The following SSH2 variants were observed in gnomAD, a reference collection of about 807,000 sequenced individuals.
The protein encoded by SSH2 is slingshot protein phosphatase 2, also known as protein phosphatase Slingshot homolog 2.
Under a neutral mutation model 135.2 loss-of-function variants are expected in SSH2, and 37 were observed. That is an observed-to-expected ratio of 0.27 (90% CI 0.21 to 0.36). The LOEUF (loss-of-function observed/expected upper bound fraction) is 0.36, where lower values mean the gene tolerates loss of function less well. Ranked by LOEUF, SSH2 falls within the 10% of genes least tolerant of loss-of-function variation. The probability of loss-of-function intolerance (pLI) is 1.00; values close to 1 mark genes in which losing one functional copy is unlikely to be tolerated. For missense variants in SSH2, 1,408 were observed against 1,765.3 expected (o/e 0.80, Z 3.63); for synonymous variants, 628 against 646.2 (o/e 0.97, Z 0.43).
At chr17:29,705,806 T>G (rs745488588) in intron 3 of SSH2, among the ~76,000 whole-genome samples, 7 of 152,248 alleles carry the variant, frequency 4.6e-5, no homozygotes, top group Non-Finnish European at 1.0e-4. Context: ...CCTATCATTA[T>G]GTAAGTCTCA....
chr17:29,777,152 C>T (rs2041721791), intron 3 of SSH2, among the ~76,000 whole-genome samples: 1 of 150,756 alleles, frequency 6.6e-6, no homozygotes, highest in African/African-American at 2.4e-5. Flanking sequence ...ATGGAGGTTG[C>T]AGTGAGCCAA....
chr17:29,675,306 G>A (rs886152594), intron 8 of SSH2, among the ~76,000 whole-genome samples: 1 of 152,036 alleles, frequency 6.6e-6, no homozygotes, highest in Non-Finnish European at 1.5e-5. Flanking sequence ...TTATCTCCCT[G>A]GGGTCTTTTT....
chr17:29,805,863 C>A (rs369878655), intron 2 of SSH2, among the ~76,000 whole-genome samples: 17 of 143,700 alleles, frequency 1.2e-4, no homozygotes, highest in Admixed American at 2.1e-4. Context: ...ACTCAGCTAT[C>A]AAAAAAAAAA....
intron 2 of SSH2, among the ~76,000 whole-genome samples, chr17:29,846,732 A>C (rs1365843466): frequency 2.6e-5 from 4 of 152,250 alleles, no homozygotes; most frequent in Admixed American, 1.3e-4. Context: ...TGAGGAAGCC[A>C]GCCTAAGTGC....
At chr17:29,911,360 T>C (rs1189153927) in intron 1 of SSH2, among the ~76,000 whole-genome samples, 1 of 152,104 alleles carries the variant, frequency 6.6e-6, no homozygotes, top group African/African-American at 2.4e-5. Flanking sequence ...ATTTAAGAGA[T>C]TTTTTAAGGA....
intron 3 of SSH2, among the ~76,000 whole-genome samples, chr17:29,718,288 G>A (rs151305889): frequency 6.3e-4 from 96 of 151,968 alleles, no homozygotes; most frequent in Admixed American, 5.4e-3. Flanking sequence ...CCACGATTTC[G>A]TCACCACTCC....
chr17:29,760,475 T>C (rs2041256316), intron 3 of SSH2, among the ~76,000 whole-genome samples: 1 of 152,176 alleles, frequency 6.6e-6, no homozygotes, highest in Admixed American at 6.5e-5. Context: ...CACACACTTC[T>C]CAGAAACAGC....
At chr17:29,637,057 T>C (rs761603949) in intron 14 of SSH2, among the ~76,000 whole-genome samples, 7 of 152,234 alleles carry the variant, frequency 4.6e-5, no homozygotes, top group Non-Finnish European at 7.3e-5. Flanking sequence ...GTGTTGATGA[T>C]GGTATGGCTA....
At chr17:29,745,439 C>T (rs2040728732) in intron 3 of SSH2, among the ~76,000 whole-genome samples, 1 of 152,308 alleles carries the variant, frequency 6.6e-6, no homozygotes. Context: ...GGATTACAGG[C>T]GTGAGCCACC....
chr17:29,865,781 A>C (rs2065842676), intron 1 of SSH2, among the ~76,000 whole-genome samples: 1 of 152,202 alleles, frequency 6.6e-6, no homozygotes, highest in South Asian at 2.1e-4. Context: ...CAGAAGATGA[A>C]GAACAATAAA....
chr17:29,827,705 C>T (rs539973174), intron 2 of SSH2, among the ~76,000 whole-genome samples: 2 of 150,480 alleles, frequency 1.3e-5, no homozygotes, highest in Non-Finnish European at 3.0e-5. Context: ...CTCAGTATAG[C>T]TTTTTGAAGC....
At chr17:29,741,595 C>T (rs564968486) in intron 3 of SSH2, among the ~76,000 whole-genome samples, 12 of 149,844 alleles carry the variant, frequency 8.0e-5, no homozygotes, top group Non-Finnish European at 1.3e-4. Context: ...GCAATAGACA[C>T]GAAACAATCC....
intron 3 of SSH2, among the ~76,000 whole-genome samples, chr17:29,742,943 A>AT (rs1208955094): frequency 6.9e-6 from 1 of 144,418 alleles, no homozygotes; most frequent in Non-Finnish European, 1.5e-5. Flanking sequence ...CCTTCTTTTG[A>AT]TTTTTTGAGA....
chr17:29,906,161 A>G (rs2066650044), intron 1 of SSH2, among the ~76,000 whole-genome samples: 1 of 152,202 alleles, frequency 6.6e-6, no homozygotes, highest in African/African-American at 2.4e-5. Flanking sequence ...ACAAGAACTC[A>G]GGCAAAGGCA....
chr17:29,873,842 C>T (rs1436554746), intron 1 of SSH2, among the ~76,000 whole-genome samples: 1 of 152,170 alleles, frequency 6.6e-6, no homozygotes, highest in African/African-American at 2.4e-5. Flanking sequence ...GACTGACTTA[C>T]TTAAACAAGC....
intron 3 of SSH2, among the ~76,000 whole-genome samples, chr17:29,706,877 G>T (rs2039222210): frequency 6.6e-6 from 1 of 152,094 alleles, no homozygotes; most frequent in Admixed American, 6.5e-5. Context: ...TTCCTGGCCG[G>T]GCGCAGTGGC....
At chr17:29,634,751 C>T (rs146668836) in intron 15 of SSH2, among the ~76,000 whole-genome samples, 12 of 152,106 alleles carry the variant, frequency 7.9e-5, no homozygotes, top group African/African-American at 2.9e-4. Flanking sequence ...TGGGGTTTCA[C>T]CATGTTGGCC....
intron 2 of SSH2, among the ~76,000 whole-genome samples, chr17:29,824,958 T>C (rs1317297116): frequency 6.6e-6 from 1 of 152,216 alleles, no homozygotes; most frequent in African/African-American, 2.4e-5. Flanking sequence ...GGCTGTTTTT[T>C]TCATTGCCTT....
intron 6 of SSH2, among the ~76,000 whole-genome samples, chr17:29,682,470 A>G (rs1166356959): frequency 1.3e-5 from 2 of 152,186 alleles, no homozygotes; most frequent in African/African-American, 4.8e-5. Flanking sequence ...TTGAAATTTC[A>G]TTTAATTTTA....
Sources: gnomAD v4.1 joint callset for allele counts (sites outside exome capture counted in the v4.1 genomes callset) on GRCh38, gnomAD v4.1.1 for gene constraint, MANE v1.5 for transcripts, NCBI Gene and HGNC (gene_info 2026-07-23, HGNC 2026-07-21) for gene names.